EIF2AK2: variants seen among roughly 807,000 people sequenced by gnomAD.
The protein encoded by EIF2AK2 is eukaryotic translation initiation factor 2 alpha kinase 2, also known as interferon-induced, double-stranded RNA-activated protein kinase.
A neutral mutation model predicts 70.5 loss-of-function variants in EIF2AK2; 40 were observed. The ratio of observed to expected loss-of-function variants is 0.57; its 90% confidence interval spans 0.44 to 0.74. EIF2AK2 has a LOEUF of 0.74. Among genes scored for constraint, EIF2AK2 ranks in the 30% least tolerant of loss-of-function variants. The pLI, the probability that EIF2AK2 is intolerant of heterozygous loss-of-function variation, is 0.00. For missense variants in EIF2AK2, 555 were observed against 644.3 expected (o/e 0.86, Z 1.50); for synonymous variants, 198 against 220.9 (o/e 0.90, Z 0.92).
intron 10 of EIF2AK2, among the ~76,000 whole-genome samples, chr2:37,133,396 G>A (rs1675015569): frequency 6.6e-6 from 1 of 152,090 alleles, no homozygotes; most frequent in Non-Finnish European, 1.5e-5. Flanking sequence ...TTGGGAATAT[G>A]CTGACAAAAT....
intron 6 of EIF2AK2, among the ~76,000 whole-genome samples, 189 bp from the exon 7 acceptor site, chr2:37,138,774 C>A (rs1375425594): frequency 1.3e-5 from 2 of 152,018 alleles, no homozygotes; most frequent in East Asian, 3.9e-4. Flanking sequence ...TTTTACTTTT[C>A]TGGATCACAG....
At chr2:37,133,091 C>T (rs1474424778) in intron 10 of EIF2AK2, among the ~76,000 whole-genome samples, 1 of 152,144 alleles carries the variant, frequency 6.6e-6, no homozygotes, top group Non-Finnish European at 1.5e-5. Context: ...TACACATCCC[C>T]TATCAACCCC....
intron 2 of EIF2AK2, 173 bp downstream of exon 2, chr2:37,148,684 C>T (rs1573040868): frequency 3.7e-6 from 3 of 816,126 alleles, no homozygotes; most frequent in Admixed American, 3.5e-5. Context: ...TTTCTAGGAA[C>T]AATACAATTT....
chr2:37,107,168 G>T lies in EIF2AK2; in HGVS notation c.*105C>A. ...TAGTAAAAATAGTAAAAAATTAAAG[G>T]AAACATTAAAATAAAAGGTAAATAT... On this transcript the variant is annotated 3_prime_UTR_variant, in exon 17 of 17. Coordinates refer to ENST00000233057, the MANE Select transcript of EIF2AK2 (RefSeq NM_001135651.3). 1 of 1,319,820 alleles carries T rather than the reference G, an allele frequency of 7.6e-7. No individual in the cohort carries two copies. The allele number at this position is 1,319,820 out of a possible 1,614,324, so 81.8% of individuals were successfully genotyped here.
intron 5 of EIF2AK2, among the ~76,000 whole-genome samples, 184 bp downstream of exon 5, chr2:37,141,369 C>G (rs1017985899): frequency 6.6e-6 from 1 of 152,138 alleles, no homozygotes; most frequent in Non-Finnish European, 1.5e-5. Flanking sequence ...TAAATGGGTT[C>G]CATGGCTTCA....
At position 37,101,921 on chromosome 2, in the gene EIF2AK2, A is replaced by G. The variant is rs1354239008; in HGVS notation, c.*5352T>C. ...GCTAGAGATACATTTTAAAGTACTT[A>G]CAAGTGCAATGATGTAACACCTGAG... On this transcript the variant is annotated 3_prime_UTR_variant, in exon 17 of 17. Coordinates refer to ENST00000233057, the MANE Select transcript of EIF2AK2 (RefSeq NM_001135651.3). 1 of 152,176 alleles carries G rather than the reference A, an allele frequency of 6.6e-6. No homozygotes were observed. Among genetic ancestry groups the G allele is most frequent in the East Asian group, 1.9e-4 (1 of 5,202 alleles). 9.4% of individuals were successfully genotyped at this position (152,176 alleles called of 1,614,324 possible).
intron 13 of EIF2AK2, chr2:37,115,214 GT>G (rs747138117): frequency 0.018 from 1,971 of 109,046 alleles, 1 homozygote; most frequent in South Asian, 0.035. Context: ...TGCCCGGCTA[GT>G]TTTTTTTTTT....
In EIF2AK2 at chr2:37,156,922, C is replaced by CCGA. The variant is rs1285369480; in HGVS notation, c.-199_-198insTCG. ...GCCCTGCTCACCTGCGCCGCCGCCG[C>CCGA]CGCCGCCGCCGCCGCCGGCCGGAGA... is the stretch of plus-strand genomic sequence containing the variant. On this transcript the variant is annotated 5_prime_UTR_variant, in exon 1 of 17. Transcript: ENST00000233057. 1.4e-4 allele frequency: 26 copies of CCGA among 182,764 alleles called. No individual in the cohort carries two copies. The highest frequency in any genetic ancestry group is 2.3e-4 in the Non-Finnish European group (21 of 91,488). The allele number at this position is 182,764 out of a possible 1,614,324, so 11.3% of individuals were successfully genotyped here.
Position 37,105,384 on chromosome 2 carries a change from A to T in EIF2AK2, c.*1889T>A, listed in dbSNP as rs942934927. On this transcript the variant is annotated 3_prime_UTR_variant, in exon 17 of 17. Coordinates refer to ENST00000233057, the MANE Select transcript of EIF2AK2 (RefSeq NM_001135651.3). Reference sequence around the variant, plus strand: ...TGGGGAGGAGAAGCAAGGAGTTCTCAATCTATTAGTTCCCTCAAGAGCCGG... The same window carrying T: ...TGGGGAGGAGAAGCAAGGAGTTCTCTATCTATTAGTTCCCTCAAGAGCCGG... The T allele has an allele frequency of 5.9e-5, 9 of 152,102 alleles. No homozygotes were observed. The highest frequency in any genetic ancestry group is 2.2e-4 in the African/African-American group (9 of 41,364). The allele number at this position is 152,102 out of a possible 1,614,324, so 9.4% of individuals were successfully genotyped here. A position where few individuals can be genotyped will look rare whatever the true frequency, so the allele number is the denominator to read the frequency against.
intron 14 of EIF2AK2, among the ~76,000 whole-genome samples, chr2:37,111,878 A>AATATATATATAT (rs869140054): frequency 1.4e-5 from 1 of 69,130 alleles, no homozygotes; most frequent in East Asian, 5.1e-4. Flanking sequence ...AAAAAAAAAA[A>AATATATATATAT]ATATATATAT....
At chr2:37,132,456 G>T (rs1030784051) in intron 10 of EIF2AK2, among the ~76,000 whole-genome samples, 3 of 152,188 alleles carry the variant, frequency 2.0e-5, no homozygotes, top group Non-Finnish European at 4.4e-5. Context: ...AGCCATGGTG[G>T]TGCGTGCCTG....
At chr2:37,145,113 T>C (rs1381038447) in intron 4 of EIF2AK2, among the ~76,000 whole-genome samples, 2 of 151,024 alleles carry the variant, frequency 1.3e-5, no homozygotes, top group East Asian at 3.9e-4. Flanking sequence ...TGTACAGCCA[T>C]ACTATGTGTT....
chr2:37,124,668 T>C (rs909730454), intron 11 of EIF2AK2, among the ~76,000 whole-genome samples: 1 of 152,240 alleles, frequency 6.6e-6, no homozygotes, highest in South Asian at 2.1e-4. Context: ...AACTTTTTAC[T>C]GTTAATGAAT....
At chr2:37,147,001 T>C in intron 3 of EIF2AK2, 28 bp from the exon 4 acceptor site, 1 of 1,594,618 alleles carries the variant, frequency 6.3e-7, no homozygotes. Context: ...ATTCATAAAA[T>C]ATTATACAAC....
chr2:37,123,776 G>A (rs934195705), intron 11 of EIF2AK2, among the ~76,000 whole-genome samples: 11 of 152,148 alleles, frequency 7.2e-5, no homozygotes, highest in African/African-American at 2.7e-4. Flanking sequence ...AGGCTTTACA[G>A]GGATGTGTTG....
chr2:37,133,297 C>T (rs989372704), intron 10 of EIF2AK2, among the ~76,000 whole-genome samples: 1 of 152,192 alleles, frequency 6.6e-6, no homozygotes, highest in African/African-American at 2.4e-5. Context: ...TATTTGAACT[C>T]ATGCTCCTTT....
At chr2:37,111,247 A>G (rs1406843000) in intron 14 of EIF2AK2, among the ~76,000 whole-genome samples, 1 of 152,206 alleles carries the variant, frequency 6.6e-6, no homozygotes, top group Admixed American at 6.5e-5. Context: ...CAACAATGTG[A>G]ACACATTTAA....
At chr2:37,132,808 G>A (rs1184449481) in intron 10 of EIF2AK2, among the ~76,000 whole-genome samples, 1 of 152,106 alleles carries the variant, frequency 6.6e-6, no homozygotes, top group Non-Finnish European at 1.5e-5. Context: ...CAAGCCAGGG[G>A]ACACCTTCCA....
At position 37,100,496 on chromosome 2, in the gene EIF2AK2, A is replaced by C. The variant is rs1321673444; in HGVS notation, c.*6777T>G. 6.6e-6 allele frequency: 1 copy of C among 152,254 alleles called. No homozygotes were observed. Among genetic ancestry groups the C allele is most frequent in the African/African-American group, 2.4e-5 (1 of 41,474 alleles). The allele number at this position is 152,254 out of a possible 1,614,324, so 9.4% of individuals were successfully genotyped here. Reference sequence around the variant, plus strand: ...TTGAGAAGCATTTTATTTGCCTCACAGTTTTGCCTATTATACAGTTTCTAG... The same window carrying C: ...TTGAGAAGCATTTTATTTGCCTCACCGTTTTGCCTATTATACAGTTTCTAG... On this transcript the variant is annotated 3_prime_UTR_variant, in exon 17 of 17. Transcript: ENST00000233057.
Sources: gnomAD v4.1 joint callset for allele counts (sites outside exome capture counted in the v4.1 genomes callset) on GRCh38, gnomAD v4.1.1 for gene constraint, MANE v1.5 for transcripts, NCBI Gene and HGNC (gene_info 2026-07-23, HGNC 2026-07-21) for gene names.